Variants in DLG2 observed in about 807,000 individuals in gnomAD.
The protein encoded by DLG2 is disks large homolog 2.
Under a neutral mutation model 132.5 loss-of-function variants are expected in DLG2, and 45 were observed. That is an observed-to-expected ratio of 0.34 (90% CI 0.27 to 0.44). The LOEUF is 0.44. DLG2 is among the 20% of genes least tolerant of loss of function. The probability of loss-of-function intolerance (pLI) is 1.00; values close to 1 mark genes in which losing one functional copy is unlikely to be tolerated. For missense variants in DLG2, 1,045 were observed against 1,196.9 expected, an observed-to-expected ratio of 0.87 and a Z score of 1.87; for synonymous variants, 424 against 419.6, an observed-to-expected ratio of 1.01 and a Z score of -0.13.
At chr11:84,723,381 T>C (rs2062049793) in intron 6 of DLG2, among the ~76,000 whole-genome samples, 1 of 152,222 alleles carries the variant, frequency 6.6e-6, no homozygotes, top group African/African-American at 2.4e-5. Flanking sequence ...GTATATTTCA[T>C]TTCCTTGACT....
At chr11:83,861,598 T>C (rs1412552824) in intron 16 of DLG2, among the ~76,000 whole-genome samples, 2 of 152,208 alleles carry the variant, frequency 1.3e-5, no homozygotes, top group Non-Finnish European at 2.9e-5. Context: ...ATCATTATAT[T>C]AAGTGAAATA....
At position 85,132,689 on chromosome 11, in the gene DLG2, A is replaced by ACTAGAACT. The variant is rs1404508615; in HGVS notation, c.283-20962_283-20955dup. 5.4e-4 allele frequency: 245 copies of ACTAGAACT among 456,602 alleles called. 6 individuals are homozygous for ACTAGAACT. Among genetic ancestry groups the ACTAGAACT allele is most frequent in the South Asian group, 3.7e-3 (240 of 64,554 alleles). 28.3% of individuals were successfully genotyped at this position (456,602 alleles called of 1,614,324 possible). ...TTTCTCTCATGAACTGGCAGCACCT[A>ACTAGAACT]CTAGAACTGTTTAATTACGGGACCA... On this transcript the variant is annotated intron_variant, in intron 5 of 27. Transcript: ENST00000376104.
intron 15 of DLG2, among the ~76,000 whole-genome samples, chr11:83,913,214 G>T (rs1164715201): frequency 6.6e-6 from 1 of 152,020 alleles, no homozygotes; most frequent in Non-Finnish European, 1.5e-5. Context: ...TTTCCTGTCT[G>T]CTATGGTCTC....
At chr11:84,205,254 C>T (rs962597174) in intron 8 of DLG2, among the ~76,000 whole-genome samples, 2 of 152,104 alleles carry the variant, frequency 1.3e-5, no homozygotes, top group Non-Finnish European at 2.9e-5. Flanking sequence ...CAAAAACTTA[C>T]AAAACTAAAG....
At chr11:83,978,767 A>C (rs35583535) in intron 12 of DLG2, among the ~76,000 whole-genome samples, 4,713 of 152,228 alleles carry the variant, frequency 0.031, 117 homozygotes, top group Non-Finnish European at 0.047. Flanking sequence ...GTAGGTGGGC[A>C]GCATGTACTT....
intron 6 of DLG2, among the ~76,000 whole-genome samples, chr11:85,024,201 A>G (rs1403750948): frequency 6.6e-6 from 1 of 152,136 alleles, no homozygotes; most frequent in Non-Finnish European, 1.5e-5. Context: ...GCATTTGTAA[A>G]ATGAGATGCA....
At chr11:85,600,350 A>G (rs2080066942) in intron 2 of DLG2, among the ~76,000 whole-genome samples, 1 of 152,234 alleles carries the variant, frequency 6.6e-6, no homozygotes, top group Non-Finnish European at 1.5e-5. Flanking sequence ...TTGGCCCATA[A>G]GCATCATTTG....
At chr11:84,000,765 C>A (rs886152555) in intron 11 of DLG2, among the ~76,000 whole-genome samples, 5 of 151,912 alleles carry the variant, frequency 3.3e-5, no homozygotes, top group African/African-American at 7.2e-5. Flanking sequence ...GAAAAATTAT[C>A]CTTAATAAAT....
Position 84,302,522 on chromosome 11 carries a change from C to T in DLG2, c.520-51231G>A, listed in dbSNP as rs142986491. 7.5e-3 allele frequency among the ~76,000 whole-genome samples: 1,146 copies of T among 152,020 alleles called. 21 individuals are homozygous for T. The highest frequency in any genetic ancestry group is 0.026 in the African/African-American group (1,091 of 41,454). On this transcript the variant is annotated intron_variant, in intron 7 of 27. Transcript: ENST00000376104. ...TCAAGTTTAGCTAGATCTGTGAGCA[C>T]GTGTCAATAAAATTTGTATCTTTCA...
Position 84,744,255 on chromosome 11 carries a change from A to C in DLG2, c.358-209524T>G, listed in dbSNP as rs189834560. On this transcript the variant is annotated intron_variant, in intron 6 of 27. Coordinates refer to ENST00000376104, the MANE Select transcript of DLG2 (RefSeq NM_001142699.3). ...TGAGAAAATGAATCACATTCTCTGT[A>C]TATCTAATAATACATAATTTCTATA... Among the ~76,000 whole-genome samples, 211 of 152,356 alleles carry C rather than the reference A, an allele frequency of 1.4e-3. 1 individual carries two copies. The highest frequency in any genetic ancestry group is 5.0e-3 in the African/African-American group (206 of 41,574).
chr11:83,600,518 C>G lies in DLG2; in HGVS notation c.1940+32693G>C, dbSNP rs574059410. ...TTGATGCTGTGGATTACTATCGTAG[C>G]TACATACAGTCAAGGCAGACAGGAA... On this transcript the variant is annotated intron_variant, in intron 19 of 27. Coordinates refer to ENST00000376104, the MANE Select transcript of DLG2 (RefSeq NM_001142699.3). Among the ~76,000 whole-genome samples the G allele has an allele frequency of 5.3e-4, 80 of 152,248 alleles. 1 individual carries two copies. The highest frequency in any genetic ancestry group is 9.0e-4 in the Non-Finnish European group (61 of 68,018).
At chr11:85,287,836 A>G (rs553392025) in intron 3 of DLG2, among the ~76,000 whole-genome samples, 10 of 152,286 alleles carry the variant, frequency 6.6e-5, no homozygotes, top group African/African-American at 1.9e-4. Context: ...ATGAAACTAT[A>G]TATCTTAGAA....
intron 8 of DLG2, among the ~76,000 whole-genome samples, chr11:84,179,558 C>G (rs535588785): frequency 7.2e-5 from 11 of 152,250 alleles, no homozygotes; most frequent in African/African-American, 1.9e-4. Context: ...AGGGCCGCCA[C>G]GCTTTTGTGA....
At chr11:84,714,644 TCTTTCTCTCTC>T (rs2060977704) in intron 6 of DLG2, among the ~76,000 whole-genome samples, 3 of 136,586 alleles carry the variant, frequency 2.2e-5, no homozygotes, top group Admixed American at 1.5e-4. Flanking sequence ...TCTCTCTCTC[TCTTTCTCTCTC>T]TCTCTCTCTC....
At chr11:85,324,019 T>G (rs2081267503) in intron 3 of DLG2, among the ~76,000 whole-genome samples, 2 of 151,934 alleles carry the variant, frequency 1.3e-5, no homozygotes, top group Non-Finnish European at 2.9e-5. Flanking sequence ...TGGTGGGGAG[T>G]GAACATCTAA....
intron 6 of DLG2, among the ~76,000 whole-genome samples, chr11:84,565,271 A>C (rs989902860): frequency 6.6e-6 from 1 of 152,196 alleles, no homozygotes. Flanking sequence ...TATTAGCTGG[A>C]AGCATGGGAT....
In DLG2 at chr11:83,633,237, G is replaced by T; in HGVS notation, c.1914C>A (p.Thr638=). 6.2e-7 allele frequency: 1 copy of T among 1,613,684 alleles called. No homozygotes were observed. The highest frequency in any genetic ancestry group is 8.5e-7 in the Non-Finnish European group (1 of 1,179,728). The change falls in exon 19 of 28, where the codon ACC becomes ACA. Residue 638 remains threonine, a synonymous_variant. Transcript: ENST00000376104. Reference sequence around the variant, plus strand: ...TGACGTAGAGGGAGCGTTTCTGATTGGTTCGCAGGGATCCGGACCCGGAGC... The same window carrying T: ...TGACGTAGAGGGAGCGTTTCTGATTTGTTCGCAGGGATCCGGACCCGGAGC... ...SMSSGSGSLR[T]NQKRSLYVRA...
intron 6 of DLG2, among the ~76,000 whole-genome samples, chr11:84,822,035 G>A (rs530997142): frequency 6.6e-6 from 1 of 151,878 alleles, no homozygotes; most frequent in Non-Finnish European, 1.5e-5. Flanking sequence ...GTAAACAGAA[G>A]CAATATTTTA....
At chr11:85,470,263 C>CA (rs1262039140) in intron 3 of DLG2, among the ~76,000 whole-genome samples, 1 of 139,300 alleles carries the variant, frequency 7.2e-6, no homozygotes, top group Non-Finnish European at 1.6e-5. Context: ...GAAAAAAAAA[C>CA]AAAAACAAAA....
Sources: gnomAD v4.1 joint callset for allele counts (sites outside exome capture counted in the v4.1 genomes callset) on GRCh38, gnomAD v4.1.1 for gene constraint, MANE v1.5 for transcripts, NCBI Gene and HGNC (gene_info 2026-07-23, HGNC 2026-07-21) for gene names.